PSME4: variants seen among roughly 807,000 people sequenced by gnomAD.
PSME4 encodes proteasome activator subunit 4, also known as proteasome activator complex subunit 4.
PSME4 carries 89 observed loss-of-function variants against 253.9 expected under a neutral mutation model. That is an observed-to-expected ratio of 0.35 (90% CI 0.30 to 0.42). The LOEUF is 0.42. Among genes scored for constraint, PSME4 ranks in the 10% least tolerant of loss-of-function variants. PSME4 has a pLI of 1.00. For synonymous variants in PSME4, 851 were observed against 759.2 expected (o/e 1.12, Z -1.99); for missense variants, 2,014 against 2,195.2 (o/e 0.92, Z 1.65).
chr2:53,922,653 C>T (rs1269932217), intron 16 of PSME4, 69 bp from the exon 17 acceptor site: 3 of 1,516,228 alleles, frequency 2.0e-6, no homozygotes, highest in Non-Finnish European at 8.9e-7. Context: ...TTTTAAAATA[C>T]TTCTATTTAA....
intron 24 of PSME4, among the ~76,000 whole-genome samples, chr2:53,907,531 T>C (rs1680715835): frequency 1.3e-5 from 2 of 152,194 alleles, no homozygotes; most frequent in South Asian, 4.1e-4. Flanking sequence ...TCAATCTCTT[T>C]GTACTTACTG....
chr2:53,939,305 T>C (rs1212187982), intron 4 of PSME4, among the ~76,000 whole-genome samples: 1 of 152,128 alleles, frequency 6.6e-6, no homozygotes, highest in East Asian at 1.9e-4. Context: ...TAAACAGTCT[T>C]AGAATAACTT....
intron 28 of PSME4, among the ~76,000 whole-genome samples, chr2:53,901,004 CT>C (rs1379174238): frequency 6.6e-6 from 1 of 152,144 alleles, no homozygotes; most frequent in Non-Finnish European, 1.5e-5. Context: ...AGTAGTCGAT[CT>C]TTTGCGACTT....
Position 53,908,396 on chromosome 2 carries a change from A to G in PSME4, c.2708T>C (p.Phe903Ser), listed in dbSNP as rs999566277. Residue 903 changes from phenylalanine to serine, a missense_variant, in exon 24 of 47, where the codon TTC becomes TCC. Phe to Ser is a radical substitution (Grantham distance 155). Coordinates refer to ENST00000404125, the MANE Select transcript of PSME4 (RefSeq NM_014614.3). The part of the protein sequence containing the change: ...IIKIIGDLLQ[F>S]QGSHKHEFDS... ...AAATTCATGCTTGTGAGATCCTTGG[A>G]ATTGTAAAAGGTCTCCAATAATCTG... 6.2e-7 allele frequency: 1 copy of G among 1,613,194 alleles called. No homozygotes were observed. The highest frequency in any genetic ancestry group is 8.5e-7 in the Non-Finnish European group (1 of 1,179,602).
At chr2:53,869,826 G>A (rs536809669) in intron 43 of PSME4, 6 of 196,666 alleles carry the variant, frequency 3.1e-5, no homozygotes, top group Non-Finnish European at 5.1e-5. Flanking sequence ...TCTCATCAGG[G>A]CTATAACTGT....
Position 53,869,442 on chromosome 2 carries a change from T to C in PSME4, c.5197A>G (p.Lys1733Glu), listed in dbSNP as rs1244035917. The C allele has an allele frequency of 1.2e-6, 2 of 1,610,798 alleles. No individual in the cohort carries two copies. The highest frequency in any genetic ancestry group is 1.1e-5 in the South Asian group (1 of 90,580). ...TTTCTTTTCTTAGGTAGTTTTGTTT[T>C]GCAAAGTTGCTCAAAATGAATCTGC... The part of the protein sequence containing the change: ...PMQIHFEQLC[K>E]TKLPKKRKRD... Residue 1733 changes from lysine to glutamate, a missense_variant, in exon 44 of 47, where the codon AAA (lysine) becomes GAA (glutamate). Physicochemically the swap from Lys to Glu is moderately conservative, Grantham distance 56 (BLOSUM62 1). This residue lies in a region of PSME4 where 403 missense variants were observed against 556.1 expected (regional missense o/e 0.72). Coordinates refer to ENST00000404125, the MANE Select transcript of PSME4 (RefSeq NM_014614.3).
At chr2:53,865,952 AAAAC>A (rs2104405084) in intron 46 of PSME4, 129 bp downstream of exon 46, 1 of 994,550 alleles carries the variant, frequency 1.0e-6, no homozygotes, top group East Asian at 2.8e-5. Flanking sequence ...GCCATGTTTA[AAAAC>A]AAACAATCCC....
chr2:53,940,011 A>G lies in PSME4; in HGVS notation c.501-11T>C, dbSNP rs774750315. 46 of 1,553,770 alleles carry G rather than the reference A, an allele frequency of 3.0e-5. No homozygotes were observed. Among genetic ancestry groups the G allele is most frequent in the Middle Eastern group, 1.7e-4 (1 of 5,880 alleles). Reference sequence around the variant, plus strand: ...ATATTTTCTACAGAACTGGGGGGGGAAAGCCATTTGATAATTAGATTGGTG... The same window carrying G: ...ATATTTTCTACAGAACTGGGGGGGGGAAGCCATTTGATAATTAGATTGGTG... On this transcript the variant is annotated splice_polypyrimidine_tract_variant and intron_variant, in intron 3 of 46. Coordinates refer to ENST00000404125, the MANE Select transcript of PSME4 (RefSeq NM_014614.3).
rs918460908 is a variant in PSME4, at chr2:53,868,235, T to C, written c.5263+1141A>G. On this transcript the variant is annotated intron_variant, in intron 44 of 46. Coordinates refer to ENST00000404125, the MANE Select transcript of PSME4 (RefSeq NM_014614.3). ...ATTCTAGAAGGCCCAGGTGGGTGGA[T>C]CACTTGAGGTCAGGAGTTCAAGACC... Among the ~76,000 whole-genome samples, 3 of 151,398 alleles carry C rather than the reference T, an allele frequency of 2.0e-5. No homozygotes were observed. The East Asian group carries it at 5.8e-4, about 29-fold the overall frequency.
At chr2:53,891,763 G>A (rs1457018665) in intron 36 of PSME4, among the ~76,000 whole-genome samples, 1 of 151,706 alleles carries the variant, frequency 6.6e-6, no homozygotes, top group East Asian at 1.9e-4. Flanking sequence ...AGGTGGCTGA[G>A]GCATTGCTTG....
At chr2:53,878,250 G>A (rs2104416056) in intron 41 of PSME4, among the ~76,000 whole-genome samples, 1 of 152,292 alleles carries the variant, frequency 6.6e-6, no homozygotes, top group East Asian at 1.9e-4. Flanking sequence ...AAATTGTGAA[G>A]ACTTCATGCA....
Position 53,874,492 on chromosome 2 carries a change from T to G in PSME4, c.4947A>C (p.Thr1649=). ...VPLVLQVLKQ[T]ARSSSWHARY... is the part of the protein sequence containing the mutation. ...GTGCATGCCAAGAACTGCTTCTTGC[T>G]GTCTGTGAATGACAAATAAATATAA... is the stretch of plus-strand genomic sequence containing the variant. Residue 1649 remains threonine (T), a splice_region_variant and synonymous_variant, in exon 43 of 47, where the codon ACA becomes ACC. Transcript: ENST00000404125. The G allele has an allele frequency of 6.2e-7, 1 of 1,613,124 alleles. No homozygotes were observed. The highest frequency in any genetic ancestry group is 8.5e-7 in the Non-Finnish European group (1 of 1,179,732).
chr2:53,868,509 A>ATATAT (rs1490900495), intron 44 of PSME4, among the ~76,000 whole-genome samples: 3 of 51,158 alleles, frequency 5.9e-5, no homozygotes, highest in African/African-American at 1.9e-4. Flanking sequence ...TATATATTAT[A>ATATAT]AAATATATTT....
At chr2:53,954,826 G>A (rs1013071223) in intron 1 of PSME4, among the ~76,000 whole-genome samples, 1 of 151,512 alleles carries the variant, frequency 6.6e-6, no homozygotes, top group Admixed American at 6.6e-5. Context: ...GGGTAACAGA[G>A]AGACCTGTCT....
At chr2:53,949,305 A>C in intron 1 of PSME4, 22 bp from the exon 2 acceptor site, 1 of 1,474,870 alleles carries the variant, frequency 6.8e-7, no homozygotes, top group Non-Finnish European at 9.3e-7. Flanking sequence ...AAATAGATAT[A>C]CCCTTTAAAA....
chr2:53,928,785 T>C (rs1413720809), intron 10 of PSME4, among the ~76,000 whole-genome samples: 4 of 152,104 alleles, frequency 2.6e-5, no homozygotes, highest in Non-Finnish European at 4.4e-5. Flanking sequence ...AAAGGAAAGA[T>C]ACACAGATTA....
intron 20 of PSME4, chr2:53,917,409 T>C (rs1005290482): frequency 1.6e-4 from 25 of 152,196 alleles, no homozygotes; most frequent in African/African-American, 5.1e-4. Flanking sequence ...TAATCAAATA[T>C]ATGAAGCTTT....
chr2:53,910,245 G>C, intron 20 of PSME4, 115 bp from the exon 21 acceptor site: 1 of 808,296 alleles, frequency 1.2e-6, no homozygotes, highest in East Asian at 2.5e-5. Context: ...TCTTTTAACA[G>C]ACACAGATTT....
intron 3 of PSME4, 95 bp downstream of exon 3, chr2:53,948,326 G>T: frequency 1.3e-6 from 1 of 782,556 alleles, no homozygotes; most frequent in Non-Finnish European, 2.2e-6. Flanking sequence ...ATATCTGCTT[G>T]TTTCTTTCAA....
Sources: allele counts gnomAD v4.1 joint callset (sites outside exome capture counted in the v4.1 genomes callset), GRCh38; gene constraint gnomAD v4.1.1; regional missense constraint gnomAD v4.1.1; transcripts MANE v1.5; gene names NCBI Gene and HGNC (gene_info 2026-07-23, HGNC 2026-07-21).